SETD7: variants seen among roughly 807,000 people sequenced by gnomAD.
The protein encoded by SETD7 is histone-lysine N-methyltransferase SETD7.
A neutral mutation model predicts 41.8 loss-of-function variants in SETD7; 16 were observed. That is an observed-to-expected ratio of 0.38 (90% CI 0.26 to 0.58). The LOEUF is 0.58. Ranked by LOEUF, SETD7 falls within the 20% of genes least tolerant of loss-of-function variation. The pLI is 0.64. For synonymous variants in SETD7, 163 were observed against 169.7 expected (o/e 0.96, Z 0.31); for missense variants, 346 against 459.7 (o/e 0.75, Z 2.26).
intron 7 of SETD7, among the ~76,000 whole-genome samples, chr4:139,498,548 T>C (rs568333085): frequency 2.0e-5 from 3 of 152,360 alleles, no homozygotes; most frequent in African/African-American, 7.2e-5. Flanking sequence ...GTGGCCCCTG[T>C]AACATGGTGT....
In SETD7 at chr4:139,552,045, G is replaced by A. The variant is rs376235144; in HGVS notation, c.40+4053C>T. ...TTATTTCAACTTTTATTTTAGATCCGGGGGTACATATGAAAGTTTGTTACC... is the reference window on the plus strand; with the variant it reads ...TTATTTCAACTTTTATTTTAGATCCAGGGGTACATATGAAAGTTTGTTACC... On this transcript the variant is annotated intron_variant, in intron 1 of 7. Coordinates refer to ENST00000274031, the MANE Select transcript of SETD7 (RefSeq NM_030648.4). Among the ~76,000 whole-genome samples the A allele has an allele frequency of 4.9e-4, 74 of 151,912 alleles. 2 individuals carry two copies. The East Asian group carries it at 5.8e-3, about 12-fold the overall frequency.
chr4:139,525,184 GA>G (rs1215813667), intron 4 of SETD7, among the ~76,000 whole-genome samples: 1 of 152,146 alleles, frequency 6.6e-6, no homozygotes, highest in African/African-American at 2.4e-5. Context: ...ATTTTCCTAT[GA>G]ATTCCATCTA....
At chr4:139,532,952 G>T in intron 3 of SETD7, 1 of 580,298 alleles carries the variant, frequency 1.7e-6, no homozygotes, top group Non-Finnish European at 3.1e-6. Flanking sequence ...CCAAAACAAC[G>T]CTGAAAAATA....
At position 139,508,199 on chromosome 4, in the gene SETD7, C is replaced by T. The variant is rs1393298422; in HGVS notation, c.*3464G>A. ...GCCTCATTGGCCTTTCTGGGTGGGT[C>T]GTTGGTGATAAGGAAATAGTTTTTC... On this transcript the variant is annotated 3_prime_UTR_variant, in exon 8 of 8. Coordinates refer to ENST00000274031, the MANE Select transcript of SETD7 (RefSeq NM_030648.4). 1 of 151,918 alleles carries T rather than the reference C, an allele frequency of 6.6e-6. No individual in the cohort carries two copies. The highest frequency in any genetic ancestry group is 1.5e-5 in the Non-Finnish European group (1 of 68,010). The allele number at this position is 151,918 out of a possible 1,614,324, so 9.4% of individuals were successfully genotyped here.
chr4:139,553,134 C>T (rs1390860397), intron 1 of SETD7, among the ~76,000 whole-genome samples: 1 of 152,218 alleles, frequency 6.6e-6, no homozygotes, highest in South Asian at 2.1e-4. Flanking sequence ...TCTCTCGACA[C>T]AGCCTCCGCC....
intron 5 of SETD7, 27 bp downstream of exon 5, chr4:139,523,327 C>T (rs745873527): frequency 6.6e-7 from 1 of 1,522,708 alleles, no homozygotes; most frequent in Admixed American, 1.7e-5. Flanking sequence ...ATAAACAGTG[C>T]AATTAAAACC....
downstream of SETD7, among the ~76,000 whole-genome samples, chr4:139,505,092 T>G (rs760626036): frequency 2.7e-4 from 41 of 152,070 alleles, no homozygotes; most frequent in Non-Finnish European, 7.4e-5. Flanking sequence ...TGGAAGGAAG[T>G]GTGATAAAAT....
At chr4:139,495,817 G>A (rs1378580213), downstream of SETD7, 1 of 152,280 alleles carries the variant, frequency 6.6e-6, no homozygotes, top group African/African-American at 2.4e-5. Flanking sequence ...CTTTATAATA[G>A]GGATTAGTTG....
At chr4:139,520,112 A>G (rs1199347078) in intron 6 of SETD7, among the ~76,000 whole-genome samples, 165 bp downstream of exon 6, 1 of 152,206 alleles carries the variant, frequency 6.6e-6, no homozygotes, top group African/African-American at 2.4e-5. Flanking sequence ...TTTAAAAAAA[A>G]TCGTATTAAG....
chr4:139,524,936 C>A (rs1727284170), intron 4 of SETD7, among the ~76,000 whole-genome samples: 1 of 152,150 alleles, frequency 6.6e-6, no homozygotes, highest in Non-Finnish European at 1.5e-5. Context: ...CCTGCCTCAG[C>A]CTCCCAAGCA....
At chr4:139,518,387 C>T (rs1727088857) in intron 6 of SETD7, among the ~76,000 whole-genome samples, 1 of 152,118 alleles carries the variant, frequency 6.6e-6, no homozygotes, top group Admixed American at 6.5e-5. Context: ...CCTTGGCCTC[C>T]CAAAGTGTTG....
chr4:139,521,388 T>G (rs1172158418), intron 5 of SETD7, among the ~76,000 whole-genome samples: 2 of 151,764 alleles, frequency 1.3e-5, no homozygotes, highest in East Asian at 3.9e-4. Context: ...ATTGCACCAT[T>G]GCACTCCAGT....
At chr4:139,551,223 GC>G (rs1476590315) in intron 1 of SETD7, among the ~76,000 whole-genome samples, 1 of 152,236 alleles carries the variant, frequency 6.6e-6, no homozygotes, top group Non-Finnish European at 1.5e-5. Flanking sequence ...TGTAAAATGC[GC>G]CAAGTCAGCC....
At chr4:139,503,089 AATT>A (rs1242725815), downstream of SETD7, among the ~76,000 whole-genome samples, 3 of 148,636 alleles carry the variant, frequency 2.0e-5, no homozygotes, top group Non-Finnish European at 3.0e-5. Flanking sequence ...GAGGCAGGAG[AATT>A]GCTTGAACCT....
chr4:139,526,436 A>ATTTTTTTTTTTTTTTTTTT (rs11353890), intron 4 of SETD7, among the ~76,000 whole-genome samples: 1 of 122,604 alleles, frequency 8.2e-6, no homozygotes, highest in Non-Finnish European at 1.7e-5. Context: ...TGCCCAGCTA[A>ATTTTTTTTTTTTTTTTTTT]TTTTTTTTTT....
intron 1 of SETD7, among the ~76,000 whole-genome samples, chr4:139,550,757 TAAAC>T (rs1369120977): frequency 6.6e-6 from 1 of 152,208 alleles, no homozygotes; most frequent in South Asian, 2.1e-4. Flanking sequence ...GGGGTACTGA[TAAAC>T]AGAGGAGAAA....
At chr4:139,497,626 G>C (rs114794726) in intron 7 of SETD7, among the ~76,000 whole-genome samples, 123 of 147,898 alleles carry the variant, frequency 8.3e-4, no homozygotes, top group African/African-American at 2.9e-3. Flanking sequence ...TCTCTCTCTT[G>C]TTCCCCAGGC....
rs1264047561 is a variant in SETD7, at chr4:139,533,961, ATATC to A, written c.171-599_171-596del. 7.1e-3 allele frequency among the ~76,000 whole-genome samples: 1,046 copies of A among 147,790 alleles called. 12 individuals are homozygous for A. Among genetic ancestry groups the A allele is most frequent in the African/African-American group, 0.025 (993 of 40,028 alleles). ...TGGGGATTTATTTAAGTATATCTAT[ATATC>A]TATGTATGTATGTATGTATGTATGT... On this transcript the variant is annotated intron_variant, in intron 2 of 7. Coordinates refer to ENST00000274031, the MANE Select transcript of SETD7 (RefSeq NM_030648.4).
intron 5 of SETD7, among the ~76,000 whole-genome samples, chr4:139,522,475 A>C (rs1396515891): frequency 6.6e-6 from 1 of 152,200 alleles, no homozygotes; most frequent in Non-Finnish European, 1.5e-5. Context: ...ACAAACCAGA[A>C]ACTTGTCATT....
Sources: allele counts gnomAD v4.1 joint callset (sites outside exome capture counted in the v4.1 genomes callset), GRCh38; gene constraint gnomAD v4.1.1; transcripts MANE v1.5; gene names NCBI Gene and HGNC (gene_info 2026-07-23, HGNC 2026-07-21).